RSPH10B2: variants seen among roughly 807,000 people sequenced by gnomAD.
RSPH10B2 encodes radial spoke head 10 homolog B2.
Under a neutral mutation model 49.0 loss-of-function variants are expected in RSPH10B2, and 9 were observed. The ratio of observed to expected loss-of-function variants is 0.18; its 90% CI spans 0.11 to 0.32. The LOEUF is 0.32. Among genes scored for constraint, RSPH10B2 ranks in the 10% least tolerant of loss-of-function variants. The probability of loss-of-function intolerance (pLI) is 1.00; values close to 1 mark genes in which losing one functional copy is unlikely to be tolerated. For missense variants in RSPH10B2, 95 were observed against 589.9 expected, an observed-to-expected ratio of 0.16 and a Z score of 8.69; for synonymous variants, 35 against 210.2, an observed-to-expected ratio of 0.17 and a Z score of 7.21.
intron 13 of RSPH10B2, among the ~76,000 whole-genome samples, chr7:6,785,725 T>C (rs1242216679): frequency 6.6e-6 from 1 of 151,178 alleles, no homozygotes; most frequent in Non-Finnish European, 1.5e-5. Context: ...CTTGGGAGGC[T>C]GAGGCAGGAG....
chr7:6,774,755 GT>G (rs1359670506), intron 9 of RSPH10B2, among the ~76,000 whole-genome samples: 19,646 of 120,114 alleles, frequency 0.16, 226 homozygotes, highest in East Asian at 0.27. Flanking sequence ...CTTTTTTTTT[GT>G]TTTTTTTTTT....
At position 6,781,884 on chromosome 7, in the gene RSPH10B2, A is replaced by AT. The variant is rs1781948788; in HGVS notation, c.1758+408_1758+409insT. Among the ~76,000 whole-genome samples the AT allele has an allele frequency of 1.8e-5, 2 of 108,416 alleles. 1 individual carries two copies. Among genetic ancestry groups the AT allele is most frequent in the South Asian group, 8.4e-4 (2 of 2,372 alleles). The allele number at this position is 108,416 out of a possible 152,430, so 71.1% of individuals were successfully genotyped here. ...TGTCTTAAAAAATATATATATATAT[A>AT]AATATATATATAATAAATATATATA... On this transcript the variant is annotated intron_variant, in intron 13 of 18. Coordinates refer to ENST00000297186, the Ensembl canonical transcript of RSPH10B2.
intron 7 of RSPH10B2, chr7:6,771,192 C>CTT (rs780148771): frequency 4.4e-4 from 5 of 11,302 alleles, no homozygotes; most frequent in Non-Finnish European, 5.9e-4. Flanking sequence ...TTTTTCTTTC[C>CTT]TTTTTTTTTT....
intron 16 of RSPH10B2, among the ~76,000 whole-genome samples, chr7:6,791,256 C>A (rs1782311450): frequency 8.3e-6 from 1 of 120,766 alleles, no homozygotes; most frequent in South Asian, 4.5e-4. Flanking sequence ...CCTGTCTTGG[C>A]CTCCCAAAGT....
chr7:6,785,869 G>C (rs1317949857), intron 13 of RSPH10B2, 80 bp from the exon 16 acceptor site: 1 of 1,304,018 alleles, frequency 7.7e-7, no homozygotes, highest in East Asian at 2.3e-5. Context: ...TACTTTCTTA[G>C]TTATTGTATT....
chr7:6,781,229 C>G, intron 12 of RSPH10B2, 99 bp from the exon 15 acceptor site: 1 of 1,182,654 alleles, frequency 8.5e-7, no homozygotes, highest in East Asian at 3.2e-5. Context: ...CATCAAGACT[C>G]TGTCTCGGAA....
intron 17 of RSPH10B2, among the ~76,000 whole-genome samples, chr7:6,793,888 C>G (rs1384751934): frequency 6.6e-6 from 1 of 152,000 alleles, no homozygotes; most frequent in African/African-American, 2.4e-5. Context: ...CCACTTTCCC[C>G]TCTAGATCCC....
rs561087104 is a variant in RSPH10B2 at position 6,796,507 on chromosome 7, G to A, written c.2234-61G>A. On this transcript the variant is annotated intron_variant, in intron 17 of 18. Coordinates refer to ENST00000297186, the Ensembl canonical transcript of RSPH10B2. Reference sequence around the variant, plus strand: ...GGGAGGCTAGAACGAGAAAAAGCACGCAGACCCCCAATTGACAGCAGGATT... The same window carrying A: ...GGGAGGCTAGAACGAGAAAAAGCACACAGACCCCCAATTGACAGCAGGATT... 1,188 of 865,694 alleles carry A rather than the reference G, an allele frequency of 1.4e-3. 71 individuals are homozygous for A. The highest frequency in any genetic ancestry group is 9.8e-3 in the African/African-American group (418 of 42,642). 53.6% of individuals were successfully genotyped at this position (865,694 alleles called of 1,614,324 possible). A position where few individuals can be genotyped will look rare whatever the true frequency, so the allele number is the denominator to read the frequency against.
intron 4 of RSPH10B2, among the ~76,000 whole-genome samples, chr7:6,764,609 C>G (rs1425296841): frequency 5.9e-4 from 89 of 151,406 alleles, no homozygotes; most frequent in South Asian, 2.1e-3. Flanking sequence ...GATCCACCCA[C>G]CTCAGCCTCC....
intron 3 of RSPH10B2, chr7:6,761,668 G>GCACA: frequency 6.5e-6 from 1 of 152,756 alleles, no homozygotes; most frequent in South Asian, 2.1e-4. Context: ...CACCTCCTGG[G>GCACA]TTCAAGCAAT....
intron 17 of RSPH10B2, among the ~76,000 whole-genome samples, chr7:6,792,201 G>A (rs201027206): frequency 7.6e-6 from 1 of 131,408 alleles, no homozygotes; most frequent in East Asian, 2.3e-4. Flanking sequence ...ATTACAAGTA[G>A]GCATCACCAC....
At chr7:6,783,895 G>C (rs1306752149) in intron 13 of RSPH10B2, among the ~76,000 whole-genome samples, 1 of 140,420 alleles carries the variant, frequency 7.1e-6, no homozygotes, top group Non-Finnish European at 1.5e-5. Flanking sequence ...GGAGTGCAGC[G>C]ACCTGATCTT....
chr7:6,758,018 C>G, intron 1 of RSPH10B2, 87 bp downstream of exon 3: 1 of 1,607,060 alleles, frequency 6.2e-7, no homozygotes, highest in African/African-American at 1.3e-5. Context: ...TTCACTCTGT[C>G]GTTCAGGCTG....
intron 16 of RSPH10B2, among the ~76,000 whole-genome samples, chr7:6,791,485 T>C (rs1460803291): frequency 1.1e-4 from 16 of 146,126 alleles, no homozygotes; most frequent in Non-Finnish European, 2.4e-4. Flanking sequence ...GGCTCACACC[T>C]GTAATCCCAG....
chr7:6,783,367 C>G (rs1782014523), intron 13 of RSPH10B2, among the ~76,000 whole-genome samples: 1 of 124,866 alleles, frequency 8.0e-6, no homozygotes, highest in Admixed American at 8.5e-5. Flanking sequence ...TGTGGGAATA[C>G]AAATGATTAA....
chr7:6,763,525 A>C (rs1342055253), intron 3 of RSPH10B2, among the ~76,000 whole-genome samples: 1 of 122,692 alleles, frequency 8.2e-6, no homozygotes, highest in Non-Finnish European at 1.7e-5. Context: ...GGCCTCAAGC[A>C]GTCCTCCCGC....
At chr7:6,774,755 GTTT>G (rs1359670506) in intron 9 of RSPH10B2, among the ~76,000 whole-genome samples, 1 of 122,086 alleles carries the variant, frequency 8.2e-6, no homozygotes. Context: ...CTTTTTTTTT[GTTT>G]TTTTTTTTTT....
chr7:6,796,225 A>G (rs1281114642), intron 17 of RSPH10B2, among the ~76,000 whole-genome samples: 4 of 115,540 alleles, frequency 3.5e-5, no homozygotes, highest in Admixed American at 2.9e-4. Context: ...GAGGCATGAG[A>G]ATCACTTGAA....
chr7:6,774,745 CTTTTTTTTTG>C (rs1440931534), intron 9 of RSPH10B2, among the ~76,000 whole-genome samples: 3 of 91,862 alleles, frequency 3.3e-5, no homozygotes, highest in African/African-American at 1.1e-4. Context: ...GCTATATTAT[CTTTTTTTTTG>C]TTTTTTTTTT....
Sources: gnomAD v4.1 joint callset for allele counts (sites outside exome capture counted in the v4.1 genomes callset) on GRCh38, gnomAD v4.1.1 for gene constraint, MANE v1.5 for transcripts, NCBI Gene and HGNC (gene_info 2026-07-23, HGNC 2026-07-21) for gene names.